Variants in C12orf42 observed in about 807,000 individuals in gnomAD.
C12orf42 encodes the protein chromosome 12 open reading frame 42, also known as uncharacterized protein C12orf42.
Under a neutral mutation model 21.6 loss-of-function variants are expected in C12orf42, and 25 were observed. The observed-to-expected ratio is 1.16, with a 90% CI of 0.84 to 1.62. C12orf42 has a LOEUF of 1.62. Among genes scored for constraint, C12orf42 ranks in the 40% most tolerant of loss-of-function variants. The pLI is 0.00. For synonymous variants in C12orf42, 174 were observed against 175.0 expected, an observed-to-expected ratio of 0.99 and a Z score of 0.05; for missense variants, 483 against 459.3, an observed-to-expected ratio of 1.05 and a Z score of -0.47.
intron 2 of C12orf42, among the ~76,000 whole-genome samples, chr12:103,463,318 G>T (rs1952869328): frequency 6.6e-6 from 1 of 152,078 alleles, no homozygotes; most frequent in African/African-American, 2.4e-5. Context: ...CACATCATGA[G>T]GTTAATTTGG....
the C12orf42 span, among the ~76,000 whole-genome samples, chr12:103,156,718 A>G: frequency 6.6e-6 from 1 of 152,066 alleles, no homozygotes; most frequent in African/African-American, 2.4e-5. Flanking sequence ...GAGTGAGAAT[A>G]TGCGGTATTT....
chr12:103,148,337 A>G, the C12orf42 span, among the ~76,000 whole-genome samples: 1 of 152,202 alleles, frequency 6.6e-6, no homozygotes, highest in Non-Finnish European at 1.5e-5. Context: ...CGGTGTTACC[A>G]ATCTCAGACC....
At chr12:103,267,725 T>C (rs1279616167), downstream of C12orf42, 1 of 151,978 alleles carries the variant, frequency 6.6e-6, no homozygotes, top group East Asian at 1.9e-4. Context: ...AGGGAGCAAG[T>C]GGGGTAAACT....
chr12:103,479,881 AT>A lies in C12orf42; in HGVS notation c.-21-1435del, dbSNP rs199724550. Among the ~76,000 whole-genome samples, 607 of 152,094 alleles carry A rather than the reference AT, an allele frequency of 4.0e-3. 1 individual carries two copies. Among genetic ancestry groups the A allele is most frequent in the African/African-American group, 0.014 (570 of 41,556 alleles). On this transcript the variant is annotated intron_variant, in intron 1 of 5. Transcript: ENST00000548883. ...TTTTATTTTGTTTTCTTCTTCAATG[AT>A]CACAAGTGAAATTGCCTTTTTCCAC...
the C12orf42 span, among the ~76,000 whole-genome samples, chr12:103,544,222 T>C: frequency 6.6e-6 from 1 of 152,192 alleles, no homozygotes; most frequent in African/African-American, 2.4e-5. Flanking sequence ...AGCAAATTTC[T>C]TCTGTTTTTA....
chr12:103,274,516 T>C (rs553043019), intron 5 of C12orf42, among the ~76,000 whole-genome samples: 45 of 152,358 alleles, frequency 3.0e-4, no homozygotes, highest in Non-Finnish European at 5.1e-4. Flanking sequence ...ATTCTTCTTA[T>C]AGATCATTCC....
the C12orf42 span, among the ~76,000 whole-genome samples, chr12:103,089,619 C>CTGTGTG: frequency 0.012 from 1,764 of 145,578 alleles, 9 homozygotes; most frequent in Middle Eastern, 0.024. Flanking sequence ...GTGTGTGTGT[C>CTGTGTG]TGTGTGTGTG....
At chr12:103,325,449 C>T (rs1393685816) in intron 4 of C12orf42, among the ~76,000 whole-genome samples, 2 of 152,206 alleles carry the variant, frequency 1.3e-5, no homozygotes, top group Non-Finnish European at 2.9e-5. Context: ...CATCATCAGC[C>T]TCCCAGACTG....
chr12:103,518,614 G>A, the C12orf42 span, among the ~76,000 whole-genome samples: 1 of 152,104 alleles, frequency 6.6e-6, no homozygotes, highest in Non-Finnish European at 1.5e-5. Context: ...TTTTTGCCCT[G>A]AATATGTCCT....
At chr12:103,151,552 T>C in the C12orf42 span, among the ~76,000 whole-genome samples, 3 of 152,154 alleles carry the variant, frequency 2.0e-5, no homozygotes, top group Non-Finnish European at 4.4e-5. Context: ...CAATCTCACA[T>C]GGTTCAAATC....
chr12:103,535,040 A>C, the C12orf42 span, among the ~76,000 whole-genome samples: 1 of 152,200 alleles, frequency 6.6e-6, no homozygotes. Flanking sequence ...GCAGGAAAGC[A>C]GTGATACTTT....
intron 3 of C12orf42, among the ~76,000 whole-genome samples, chr12:103,388,050 C>T (rs935256098): frequency 2.6e-5 from 4 of 152,156 alleles, no homozygotes; most frequent in Non-Finnish European, 5.9e-5. Context: ...AGAATTTAAA[C>T]CCAATTATTT....
the C12orf42 span, among the ~76,000 whole-genome samples, chr12:103,228,812 C>G: frequency 1.3e-5 from 2 of 151,662 alleles, no homozygotes; most frequent in Non-Finnish European, 2.9e-5. Context: ...CATCAAGCCA[C>G]TAATATAATA....
chr12:103,347,702 A>G (rs780922674), intron 4 of C12orf42, among the ~76,000 whole-genome samples: 5 of 152,138 alleles, frequency 3.3e-5, no homozygotes, highest in African/African-American at 7.2e-5. Flanking sequence ...GCATTTATAT[A>G]AAAAAGAATT....
chr12:103,443,860 T>C (rs1213896232), intron 2 of C12orf42, among the ~76,000 whole-genome samples: 2 of 152,238 alleles, frequency 1.3e-5, no homozygotes, highest in African/African-American at 2.4e-5. Context: ...TTATAGATGA[T>C]ATCAAATTGG....
intron 1 of C12orf42, among the ~76,000 whole-genome samples, chr12:103,493,734 A>AAC (rs1220555546): frequency 6.6e-6 from 1 of 151,992 alleles, no homozygotes; most frequent in African/African-American, 2.4e-5. Flanking sequence ...AAAAAAAAAA[A>AAC]AAAAACCTTA....
At chr12:103,404,857 TAG>T (rs909616035) in intron 2 of C12orf42, among the ~76,000 whole-genome samples, 2 of 152,254 alleles carry the variant, frequency 1.3e-5, no homozygotes, top group Admixed American at 6.5e-5. Flanking sequence ...TGGTATGTGC[TAG>T]AGAGTTCAGG....
chr12:103,067,396 C>T, the C12orf42 span, among the ~76,000 whole-genome samples: 32 of 152,288 alleles, frequency 2.1e-4, no homozygotes, highest in Middle Eastern at 3.4e-3. Flanking sequence ...TCCCCATCAT[C>T]CTGAAGCAGC....
At chr12:103,502,654 C>A in the C12orf42 span, among the ~76,000 whole-genome samples, 21 of 152,168 alleles carry the variant, frequency 1.4e-4, no homozygotes, top group Non-Finnish European at 3.1e-4. Flanking sequence ...CAGCCCTGCC[C>A]GCTGCCAGCC....
Sources: allele counts gnomAD v4.1 joint callset (sites outside exome capture counted in the v4.1 genomes callset), GRCh38; gene constraint gnomAD v4.1.1; transcripts MANE v1.5; gene names NCBI Gene and HGNC (gene_info 2026-07-23, HGNC 2026-07-21).